SLC24A2: variants seen among roughly 807,000 people sequenced by gnomAD.
The protein encoded by SLC24A2 is sodium/potassium/calcium exchanger 2.
Under a neutral mutation model 62.0 loss-of-function variants are expected in SLC24A2, and 36 were observed. The ratio of observed to expected loss-of-function variants is 0.58; its 90% confidence interval spans 0.44 to 0.77. SLC24A2 has a LOEUF of 0.77. SLC24A2 is among the 30% of genes least tolerant of loss of function. The pLI, the probability that SLC24A2 is intolerant of heterozygous loss-of-function variation, is 0.00. For synonymous variants in SLC24A2, 358 were observed against 294.0 expected (o/e 1.22, Z -2.23); for missense variants, 846 against 817.9 (o/e 1.03, Z -0.42).
At chr9:19,674,386 A>G (rs1587134085) in intron 2 of SLC24A2, among the ~76,000 whole-genome samples, 1 of 152,226 alleles carries the variant, frequency 6.6e-6, no homozygotes, top group Admixed American at 6.5e-5. Flanking sequence ...GTGTTCTTTG[A>G]GCTTCTTGTA....
chr9:19,941,724 A>T, the SLC24A2 span, among the ~76,000 whole-genome samples: 1 of 152,192 alleles, frequency 6.6e-6, no homozygotes, highest in East Asian at 1.9e-4. Context: ...CATGACAAAT[A>T]ACTTTTTAAT....
chr9:19,713,415 T>C (rs1564057848), intron 2 of SLC24A2, among the ~76,000 whole-genome samples: 1 of 152,246 alleles, frequency 6.6e-6, no homozygotes, highest in Non-Finnish European at 1.5e-5. Context: ...ATACTTTTAC[T>C]GACCTTCTCT....
At chr9:20,189,556 A>T in the SLC24A2 span, among the ~76,000 whole-genome samples, 1 of 152,172 alleles carries the variant, frequency 6.6e-6, no homozygotes, top group East Asian at 1.9e-4. Flanking sequence ...AGACCATGAA[A>T]TCCACCTGAC....
At chr9:19,959,517 C>T in the SLC24A2 span, among the ~76,000 whole-genome samples, 1 of 152,164 alleles carries the variant, frequency 6.6e-6, no homozygotes, top group African/African-American at 2.4e-5. Context: ...TGGTTCCTAC[C>T]TTTTGAAAAC....
chr9:20,219,008 G>C, the SLC24A2 span, among the ~76,000 whole-genome samples: 1 of 152,196 alleles, frequency 6.6e-6, no homozygotes, highest in African/African-American at 2.4e-5. Context: ...CAGAGAGTCA[G>C]AGGATTGAGA....
the SLC24A2 span, among the ~76,000 whole-genome samples, chr9:20,179,579 A>G: frequency 6.6e-6 from 1 of 152,314 alleles, no homozygotes; most frequent in Admixed American, 6.5e-5. Context: ...TGTTTTTGAA[A>G]GCTTCCCTCT....
At chr9:20,200,438 T>C in the SLC24A2 span, among the ~76,000 whole-genome samples, 1 of 152,240 alleles carries the variant, frequency 6.6e-6, no homozygotes, top group Admixed American at 6.5e-5. Flanking sequence ...GATGAGACTT[T>C]GATTCTCACA....
intron 2 of SLC24A2, among the ~76,000 whole-genome samples, chr9:19,635,160 A>G (rs1249811234): frequency 6.6e-6 from 1 of 152,236 alleles, no homozygotes; most frequent in Non-Finnish European, 1.5e-5. Flanking sequence ...TGTCAAATGA[A>G]GCCAGGAGGT....
intron 2 of SLC24A2, among the ~76,000 whole-genome samples, chr9:19,695,691 A>AAC (rs1385571349): frequency 1.3e-5 from 2 of 151,170 alleles, no homozygotes; most frequent in African/African-American, 4.8e-5. Context: ...AAAAAAAAAA[A>AAC]AAAAAAAAAA....
At chr9:20,125,785 G>A in the SLC24A2 span, among the ~76,000 whole-genome samples, 1 of 152,166 alleles carries the variant, frequency 6.6e-6, no homozygotes, top group Non-Finnish European at 1.5e-5. Context: ...GCTAGGGCTG[G>A]TTTAAAAGCT....
At chr9:20,232,961 T>G in the SLC24A2 span, among the ~76,000 whole-genome samples, 1 of 152,220 alleles carries the variant, frequency 6.6e-6, no homozygotes, top group Admixed American at 6.5e-5. Context: ...ACATCTTTAT[T>G]TCTGCCTTCA....
At chr9:20,238,652 A>C in the SLC24A2 span, among the ~76,000 whole-genome samples, 1 of 152,220 alleles carries the variant, frequency 6.6e-6, no homozygotes, top group Non-Finnish European at 1.5e-5. Context: ...TGCTTCTAGC[A>C]CTGTGAGGGG....
chr9:20,142,147 CT>C, the SLC24A2 span, among the ~76,000 whole-genome samples: 2,205 of 152,162 alleles, frequency 0.014, 74 homozygotes, highest in African/African-American at 0.05. Context: ...ACTTTGCTTA[CT>C]ATTTCCCTTT....
intron 2 of SLC24A2, among the ~76,000 whole-genome samples, chr9:19,735,990 A>T (rs565827700): frequency 2.0e-5 from 3 of 152,336 alleles, no homozygotes; most frequent in Admixed American, 1.3e-4. Context: ...CATGTACCCC[A>T]AAACTTAAAG....
chr9:19,810,962 C>G, the SLC24A2 span, among the ~76,000 whole-genome samples: 3 of 147,810 alleles, frequency 2.0e-5, no homozygotes, highest in Non-Finnish European at 4.5e-5. Flanking sequence ...TAAAATTCTT[C>G]TTCTTATTCT....
chr9:20,184,859 C>A, the SLC24A2 span, among the ~76,000 whole-genome samples: 1 of 151,954 alleles, frequency 6.6e-6, no homozygotes, highest in Non-Finnish European at 1.5e-5. Flanking sequence ...AACCTAGTGT[C>A]CATCACAGAT....
chr9:20,199,885 A>AT, the SLC24A2 span, among the ~76,000 whole-genome samples: 17,501 of 131,946 alleles, frequency 0.13, 1,264 homozygotes, highest in African/African-American at 0.18. Flanking sequence ...TGCCTGGCTA[A>AT]TTTTTTTTTT....
At chr9:19,706,780 A>C (rs1243778312) in intron 2 of SLC24A2, among the ~76,000 whole-genome samples, 3 of 152,090 alleles carry the variant, frequency 2.0e-5, no homozygotes, top group East Asian at 1.9e-4. Flanking sequence ...ATTTATAGCA[A>C]TAAATGCCCA....
chr9:20,019,837 A>G, the SLC24A2 span, among the ~76,000 whole-genome samples: 1 of 151,786 alleles, frequency 6.6e-6, no homozygotes, highest in Non-Finnish European at 1.5e-5. Flanking sequence ...CAGAGGACTA[A>G]TATCCAGAAT....
Sources: allele counts gnomAD v4.1 joint callset (sites outside exome capture counted in the v4.1 genomes callset), GRCh38; gene constraint gnomAD v4.1.1; transcripts MANE v1.5; gene names NCBI Gene and HGNC (gene_info 2026-07-23, HGNC 2026-07-21).